The following INTS1 variants were observed in gnomAD, a reference collection of about 807,000 sequenced individuals.
The protein encoded by INTS1 is integrator complex subunit 1.
INTS1 carries 137 observed loss-of-function variants against 241.6 expected under a neutral mutation model. The observed-to-expected ratio is 0.57, with a 90% CI of 0.49 to 0.65. INTS1 has a LOEUF of 0.65. Among genes scored for constraint, INTS1 ranks in the 30% least tolerant of loss-of-function variants. The pLI is 0.00. For missense variants in INTS1, 3,073 were observed against 3,032.2 expected, an observed-to-expected ratio of 1.01 and a Z score of -0.32; for synonymous variants, 1,692 against 1,337.8, an observed-to-expected ratio of 1.26 and a Z score of -5.78.
intron 20 of INTS1, 94 bp from the exon 21 acceptor site, chr7:1,487,195 C>G: frequency 6.6e-7 from 1 of 1,506,510 alleles, no homozygotes; most frequent in Non-Finnish European, 9.0e-7. Flanking sequence ...AAGGGCGACA[C>G]GCAGCAGCCA....
chr7:1,494,848 C>T lies in INTS1; in HGVS notation c.1878G>A (p.Lys626=). ...LFTEQPETYY[K]WDNWPPESDR... ...CACTCTCGGGTGGCCAGTTGTCCCA[C>T]TTGTAGTAGGTCTCCGGCTGCTCTG... is the stretch of plus-strand genomic sequence containing the variant. Residue 626 remains lysine (K), a synonymous_variant, in exon 14 of 48, where the codon AAG becomes AAA. Transcript: ENST00000404767. The T allele has an allele frequency of 3.2e-6, 5 of 1,569,806 alleles. No individual in the cohort carries two copies. Among genetic ancestry groups the T allele is most frequent in the Middle Eastern group, 1.7e-4 (1 of 6,016 alleles).
Position 1,482,866 on chromosome 7 carries a change from G to A in INTS1, c.3542-159C>T, listed in dbSNP as rs761453444. ...TGCTAGGTGAGCACTTGCTATGTGC[G>A]GATGCTTTGCGTAGGTGCACGCATT... On this transcript the variant is annotated intron_variant, in intron 26 of 47. Transcript: ENST00000404767. The A allele has an allele frequency of 2.8e-3, 2,223 of 795,616 alleles. 8 individuals are homozygous for A. Among genetic ancestry groups the A allele is most frequent in the Non-Finnish European group, 2.9e-3 (1,480 of 501,784 alleles). The allele number at this position is 795,616 out of a possible 1,614,324, so 49.3% of individuals were successfully genotyped here. A position where few individuals can be genotyped will look rare whatever the true frequency, so the allele number is the denominator to read the frequency against.
In INTS1 at chr7:1,477,799, C is replaced by T. The variant is rs781720568; in HGVS notation, c.4768G>A (p.Glu1590Lys). ...TTCCCCCCAGCCAGGGGCTCCTCCT[C>T]CTGCAGCAGCAGGGAGCTCACCACC... Reference protein sequence around the residue: ...VVVVSSLLLQEEEPLAGGKPG... With the variant: ...VVVVSSLLLQKEEPLAGGKPG... The change falls in exon 34 of 48, where the codon GAG (glutamate) becomes AAG (lysine). Residue 1590 changes from glutamate to lysine, a missense_variant. Physicochemically the swap from Glu to Lys is moderately conservative, Grantham distance 56. Coordinates refer to ENST00000404767, the MANE Select transcript of INTS1 (RefSeq NM_001080453.3). 6.2e-7 allele frequency: 1 copy of T among 1,612,542 alleles called. No individual in the cohort carries two copies. Among genetic ancestry groups the T allele is most frequent in the African/African-American group, 1.3e-5 (1 of 75,058 alleles).
rs998765505 is a variant in INTS1 at position 1,487,260 on chromosome 7, C to G, written c.2646+60G>C. 23 of 1,544,208 alleles carry G rather than the reference C, an allele frequency of 1.5e-5. No individual in the cohort carries two copies. In the Admixed American group the frequency reaches 4.3e-4, roughly 29 times the overall value. ...TGCCCTCTTCTGGCCACCAAGGCCT[C>G]CGGAAGGTTCCGGGCCTCCCAAGAC... On this transcript the variant is annotated intron_variant, in intron 20 of 47. Transcript: ENST00000404767.
At position 1,478,379 on chromosome 7, in the gene INTS1, G is replaced by A. The variant is rs770620758; in HGVS notation, c.4617C>T (p.Asp1539=). 1.9e-5 allele frequency: 30 copies of A among 1,612,548 alleles called. No homozygotes were observed. The Admixed American group carries it at 5.0e-4, about 27-fold the overall frequency. Residue 1539 remains aspartate (D), a synonymous_variant, in exon 33 of 48, where the codon GAC becomes GAT. Transcript: ENST00000404767. ...CCAGGAAGGTACCTTTGCTGATCAG[G>A]TCCGGCTCCACGCTGCACTGCTCCC... ...RSGEQCSVEP[D]LISKVLQGLI... is the part of the protein sequence containing the mutation.
At position 1,500,698 on chromosome 7, in the gene INTS1, G is replaced by A. The variant is rs117352250; in HGVS notation, c.350-332C>T. On this transcript the variant is annotated intron_variant, in intron 3 of 47. Coordinates refer to ENST00000404767, the MANE Select transcript of INTS1 (RefSeq NM_001080453.3). ...TTACTTTCCACTGAATCGTGGCTCC[G>A]TCTGGCGGCTTCTTTCTCACTGTGG... 5.7e-4 allele frequency among the ~76,000 whole-genome samples: 87 copies of A among 152,300 alleles called. 1 individual carries two copies. In the East Asian group the frequency reaches 0.014, roughly 24 times the overall value.
Position 1,473,171 on chromosome 7 carries a change from C to A in INTS1, c.5971G>T (p.Asp1991Tyr), listed in dbSNP as rs766230774. ...HADPLHDLSF[D>Y]NSDLVMLKSL... ...TTCAGCATCACCAGGTCACTGTTGT[C>A]GAAGGACAGGTCGCTGGGGAGAGAA... Residue 1991 changes from aspartate to tyrosine, a missense_variant, in exon 43 of 48, where the codon GAC becomes TAC. Coordinates refer to ENST00000404767, the MANE Select transcript of INTS1 (RefSeq NM_001080453.3). The A allele has an allele frequency of 6.2e-7, 1 of 1,611,058 alleles. No individual in the cohort carries two copies. The highest frequency in any genetic ancestry group is 8.5e-7 in the Non-Finnish European group (1 of 1,178,672).
rs543981555 is a variant in INTS1 at position 1,499,037 on chromosome 7, C to A, written c.1075G>T (p.Gly359Cys). 8 of 1,582,066 alleles carry A rather than the reference C, an allele frequency of 5.1e-6. No homozygotes were observed. The highest frequency in any genetic ancestry group is 1.1e-5 in the South Asian group (1 of 87,502). Residue 359 changes from glycine to cysteine, a missense_variant, in exon 8 of 48, where the codon GGC becomes TGC. Gly to Cys is a radical substitution (Grantham distance 159). Coordinates refer to ENST00000404767, the MANE Select transcript of INTS1 (RefSeq NM_001080453.3). ...GCCAGCAGCCGCACCTCCTTATAGC[C>A]GCAGGTGGAGGTGAGGAGCCGCAGG... Reference protein sequence around the residue: ...NLLRLLTSTCGYKEVRLLAVQ... With the variant: ...NLLRLLTSTCCYKEVRLLAVQ...
intron 16 of INTS1, among the ~76,000 whole-genome samples, chr7:1,490,477 C>T (rs891566050): frequency 3.3e-5 from 5 of 152,054 alleles, no homozygotes; most frequent in South Asian, 2.1e-4. Context: ...GTGTCAGCTC[C>T]GGATAAACGG....
Position 1,496,260 on chromosome 7 carries a change from C to T in INTS1, c.1607G>A (p.Arg536His), listed in dbSNP as rs374564650. 1.4e-5 allele frequency: 22 copies of T among 1,613,434 alleles called. No individual in the cohort carries two copies. Among genetic ancestry groups the T allele is most frequent in the East Asian group, 2.2e-5 (1 of 44,860 alleles). ...PQYLEMEFKE[R>H]FVVHITDVLA... ...GACGTCGGTGATGTGCACCACGAAG[C>T]GCTCCTGCAGGTGCAGCACGGGGTC... is the stretch of plus-strand genomic sequence containing the variant. The change falls in exon 12 of 48, where the codon CGC (arginine) becomes CAC (histidine). Residue 536 changes from arginine to histidine, a missense_variant. Coordinates refer to ENST00000404767, the MANE Select transcript of INTS1 (RefSeq NM_001080453.3).
Position 1,499,208 on chromosome 7 carries a change from G to A in INTS1, c.950+47C>T, listed in dbSNP as rs370660079. 4.4e-4 allele frequency: 704 copies of A among 1,602,690 alleles called. 4 individuals are homozygous for A. In the African/African-American group the frequency reaches 8.1e-3, roughly 18 times the overall value. On this transcript the variant is annotated intron_variant, in intron 7 of 47. Transcript: ENST00000404767. Reference sequence around the variant, plus strand: ...GGAGGGAGGAAGGTGGCCCCGAGGCGCCCGCCCCCGCCGCCCCCAACTGGG... The same window carrying A: ...GGAGGGAGGAAGGTGGCCCCGAGGCACCCGCCCCCGCCGCCCCCAACTGGG...
At chr7:1,502,327 T>G (rs1783224352) in intron 3 of INTS1, among the ~76,000 whole-genome samples, 1 of 151,472 alleles carries the variant, frequency 6.6e-6, no homozygotes, top group South Asian at 2.1e-4. Context: ...GTTGGGAAAA[T>G]GGCGCAGAGG....
intron 33 of INTS1, 73 bp from the exon 34 acceptor site, chr7:1,478,009 C>T: frequency 7.7e-7 from 1 of 1,292,028 alleles, no homozygotes; most frequent in Non-Finnish European, 1.1e-6. Context: ...TGTGGGCTAG[C>T]CAGGGTGGGG....
chr7:1,475,105 C>G (rs1044349926), intron 39 of INTS1, among the ~76,000 whole-genome samples: 1 of 152,232 alleles, frequency 6.6e-6, no homozygotes, highest in African/African-American at 2.4e-5. Context: ...ATCGGCCAAG[C>G]AGGCGCAGTG....
chr7:1,496,035 C>G lies in INTS1; in HGVS notation c.1711+121G>C, dbSNP rs565981385. On this transcript the variant is annotated intron_variant, in intron 12 of 47. Transcript: ENST00000404767. ...TCCAGGCTCCGTGTCCCCGAGTAGC[C>G]GTGCTGCGGGACCGCTCCTGCCGGG... 149 of 705,704 alleles carry G rather than the reference C, an allele frequency of 2.1e-4. No individual in the cohort carries two copies. The African/African-American group carries it at 2.3e-3, about 11-fold the overall frequency. 43.7% of individuals were successfully genotyped at this position (705,704 alleles called of 1,614,324 possible). A position where few individuals can be genotyped will look rare whatever the true frequency, so the allele number is the denominator to read the frequency against.
At position 1,489,774 on chromosome 7, in the gene INTS1, G is replaced by A. The variant is rs548166358; in HGVS notation, c.2166-92C>T. ...CAGGTGGCAAAGCTGGGGCAGGGACGGTGCTGGCTCCCAGCTCCTCCCGGG... is the reference window on the plus strand; with the variant it reads ...CAGGTGGCAAAGCTGGGGCAGGGACAGTGCTGGCTCCCAGCTCCTCCCGGG... On this transcript the variant is annotated intron_variant, in intron 16 of 47. Transcript: ENST00000404767. 3.0e-5 allele frequency: 27 copies of A among 889,390 alleles called. No homozygotes were observed. The Admixed American group carries it at 3.5e-4, about 12-fold the overall frequency. 55.1% of individuals were successfully genotyped at this position (889,390 alleles called of 1,614,324 possible). A position where few individuals can be genotyped will look rare whatever the true frequency, so the allele number is the denominator to read the frequency against.
At position 1,493,203 on chromosome 7, in the gene INTS1, G is replaced by T; in HGVS notation, c.2069-97C>A. On this transcript the variant is annotated intron_variant, in intron 15 of 47. Coordinates refer to ENST00000404767, the MANE Select transcript of INTS1 (RefSeq NM_001080453.3). This position sits in a 1 kb window ranked among gnomAD's most constrained non-coding sequence, Gnocchi z 5.3. ...GCCCTGCTCGGGCCGCGTCGGGGTG[G>T]GGTGGGGGATGCCGCAGGGTGGGGC... 2 of 913,084 alleles carry T rather than the reference G, an allele frequency of 2.2e-6. No homozygotes were observed. Among genetic ancestry groups the T allele is most frequent in the East Asian group, 2.7e-5 (1 of 36,822 alleles). The allele number at this position is 913,084 out of a possible 1,614,324, so 56.6% of individuals were successfully genotyped here.
chr7:1,477,234 C>T (rs1781766470), intron 35 of INTS1, among the ~76,000 whole-genome samples: 1 of 152,244 alleles, frequency 6.6e-6, no homozygotes. Flanking sequence ...CAGCCCCATT[C>T]CCTTTGGGAA....
intron 26 of INTS1, chr7:1,483,084 C>T (rs1001396265): frequency 4.2e-6 from 1 of 237,554 alleles, no homozygotes; most frequent in Admixed American, 5.1e-5. Context: ...GGGCCAGCTT[C>T]TCCGGCTGCC....
Sources: allele counts gnomAD v4.1 joint callset (sites outside exome capture counted in the v4.1 genomes callset), GRCh38; gene constraint gnomAD v4.1.1; non-coding constraint Gnocchi (gnomAD v3.1); transcripts MANE v1.5; gene names NCBI Gene and HGNC (gene_info 2026-07-23, HGNC 2026-07-21).